The following KLHL1 variants were observed in gnomAD, a reference collection of about 807,000 sequenced individuals.
KLHL1 encodes the protein kelch like family member 1.
Under a neutral mutation model 77.7 loss-of-function variants are expected in KLHL1, and 47 were observed. The ratio of observed to expected loss-of-function variants is 0.60; its 90% CI spans 0.48 to 0.77. The LOEUF is 0.77. Among genes scored for constraint, KLHL1 ranks in the 30% least tolerant of loss-of-function variants. The pLI is 0.00. For synonymous variants in KLHL1, 360 were observed against 325.2 expected (o/e 1.11, Z -1.15); for missense variants, 925 against 910.8 (o/e 1.02, Z -0.20).
Position 69,809,715 on chromosome 13 carries a change from C to T in KLHL1, c.1415-12753G>A, listed in dbSNP as rs151263939. Among the ~76,000 whole-genome samples, 690 of 151,898 alleles carry T rather than the reference C, an allele frequency of 4.5e-3. 3 individuals are homozygous for T. Among genetic ancestry groups the T allele is most frequent in the Non-Finnish European group, 7.1e-3 (481 of 67,902 alleles). On this transcript the variant is annotated intron_variant, in intron 6 of 10. Coordinates refer to ENST00000377844, the MANE Select transcript of KLHL1 (RefSeq NM_020866.3). Reference sequence around the variant, plus strand: ...TATCAATATCAACATTGAATATAAACAGTCTAAACACTCGATTTAAAAGAC... The same window carrying T: ...TATCAATATCAACATTGAATATAAATAGTCTAAACACTCGATTTAAAAGAC...
chr13:69,864,519 TTG>T (rs1467867240), intron 5 of KLHL1, among the ~76,000 whole-genome samples: 8 of 152,076 alleles, frequency 5.3e-5, no homozygotes, highest in Non-Finnish European at 7.4e-5. Flanking sequence ...GTGAATTAAG[TTG>T]TGTTTCATGT....
At chr13:69,780,471 T>C (rs561038067) in intron 7 of KLHL1, among the ~76,000 whole-genome samples, 1 of 151,856 alleles carries the variant, frequency 6.6e-6, no homozygotes, top group Non-Finnish European at 1.5e-5. Flanking sequence ...AGAAATAGTG[T>C]CTGCACTAAA....
chr13:69,839,177 C>T lies in KLHL1; in HGVS notation c.1228-15G>A, dbSNP rs1879145077. ...TCAGCCAATATCTGTGAATAATACA[C>T]AATAGCTGTTAATAATGTTTTCAAA... On this transcript the variant is annotated splice_polypyrimidine_tract_variant and intron_variant, in intron 5 of 10. Coordinates refer to ENST00000377844, the MANE Select transcript of KLHL1 (RefSeq NM_020866.3). The T allele has an allele frequency of 6.6e-7, 1 of 1,516,112 alleles. No individual in the cohort carries two copies. The highest frequency in any genetic ancestry group is 9.0e-7 in the Non-Finnish European group (1 of 1,112,966). The allele number at this position is 1,516,112 out of a possible 1,614,324, so 93.9% of individuals were successfully genotyped here. A position where few individuals can be genotyped will look rare whatever the true frequency, so the allele number is the denominator to read the frequency against.
chr13:69,887,071 G>A (rs1363512914), intron 4 of KLHL1, among the ~76,000 whole-genome samples: 11 of 152,150 alleles, frequency 7.2e-5, no homozygotes, highest in Non-Finnish European at 1.5e-4. Context: ...GATTAGGTAA[G>A]TATGAAAAAT....
chr13:69,866,584 G>T (rs1312409247), intron 5 of KLHL1, among the ~76,000 whole-genome samples: 3 of 152,028 alleles, frequency 2.0e-5, no homozygotes, highest in Non-Finnish European at 4.4e-5. Flanking sequence ...GGGATTCCGC[G>T]AGTTAGAGTT....
At chr13:69,777,254 T>C (rs1199016425) in intron 7 of KLHL1, among the ~76,000 whole-genome samples, 1 of 152,160 alleles carries the variant, frequency 6.6e-6, no homozygotes, top group Non-Finnish European at 1.5e-5. Context: ...CTCTTTTTCT[T>C]TTTAAATTAT....
chr13:69,832,018 A>G, intron 6 of KLHL1, among the ~76,000 whole-genome samples: 1 of 150,134 alleles, frequency 6.7e-6, no homozygotes, highest in East Asian at 1.9e-4. Context: ...AGTTGAAAGC[A>G]TTCCCCCTGA....
chr13:69,809,408 AT>A (rs1414898771), intron 6 of KLHL1, among the ~76,000 whole-genome samples: 1 of 152,182 alleles, frequency 6.6e-6, no homozygotes, highest in African/African-American at 2.4e-5. Flanking sequence ...CATTTTTAGC[AT>A]TCTTAAAGCA....
At chr13:69,851,699 C>A (rs1464407908) in intron 5 of KLHL1, among the ~76,000 whole-genome samples, 2 of 151,708 alleles carry the variant, frequency 1.3e-5, no homozygotes, top group African/African-American at 4.8e-5. Context: ...GTCTAGCATG[C>A]TCCTATGTCC....
At chr13:69,909,147 G>A (rs1237421805) in intron 4 of KLHL1, among the ~76,000 whole-genome samples, 1 of 150,908 alleles carries the variant, frequency 6.6e-6, no homozygotes, top group Non-Finnish European at 1.5e-5. Context: ...GAACAAATAA[G>A]TGGATGCTCA....
At chr13:70,069,873 A>G (rs1232910262) in intron 1 of KLHL1, among the ~76,000 whole-genome samples, 1 of 151,530 alleles carries the variant, frequency 6.6e-6, no homozygotes, top group African/African-American at 2.4e-5. Flanking sequence ...AAAATGAGAG[A>G]AAGAAGCAGA....
chr13:70,020,639 C>T (rs1234492793), intron 1 of KLHL1, among the ~76,000 whole-genome samples: 1 of 151,980 alleles, frequency 6.6e-6, no homozygotes, highest in Non-Finnish European at 1.5e-5. Context: ...ATCTATGATT[C>T]CCAGGGCACA....
At chr13:70,028,142 G>A (rs1886003107) in intron 1 of KLHL1, among the ~76,000 whole-genome samples, 1 of 152,110 alleles carries the variant, frequency 6.6e-6, no homozygotes, top group Non-Finnish European at 1.5e-5. Context: ...TGGATTTGGA[G>A]AAATAAGAAA....
chr13:70,015,220 T>C (rs1885628326), intron 1 of KLHL1, among the ~76,000 whole-genome samples: 1 of 152,156 alleles, frequency 6.6e-6, no homozygotes, highest in Admixed American at 6.5e-5. Context: ...TGCAAACCTA[T>C]TGTGTATAGC....
chr13:69,861,785 TAAA>T lies in KLHL1; in HGVS notation c.1227+20495_1227+20497del, dbSNP rs34408474. Among the ~76,000 whole-genome samples the T allele has an allele frequency of 7.0e-5, 6 of 86,016 alleles. No individual in the cohort carries two copies. The East Asian group carries it at 1.0e-3, about 15-fold the overall frequency. The allele number at this position is 86,016 out of a possible 152,430, so 56.4% of individuals were successfully genotyped here. On this transcript the variant is annotated intron_variant, in intron 5 of 10. Transcript: ENST00000377844. The stretch of plus-strand genomic sequence containing the variant: ...CAACATGGAGAAACCCCGTCTCTAC[TAAA>T]AAAAAAAAAAAAAAAAAAAATACAA...
Position 69,701,761 on chromosome 13 carries a change from T to A in KLHL1, c.2188A>T (p.Met730Leu), listed in dbSNP as rs766623772. 3.1e-6 allele frequency: 5 copies of A among 1,604,520 alleles called. No homozygotes were observed. The highest frequency in any genetic ancestry group is 4.3e-6 in the Non-Finnish European group (5 of 1,174,378). ...GCTCTCCCAATATTCAAGGAAGCCATCTGTTAAAAAAGATGAAACACAACT... is the reference window on the plus strand; with the variant it reads ...GCTCTCCCAATATTCAAGGAAGCCAACTGTTAAAAAAGATGAAACACAACT... Reference protein sequence around the residue: ...YDPQTNEWTQMASLNIGRAGA... With the variant: ...YDPQTNEWTQLASLNIGRAGA... Residue 730 changes from methionine (M) to leucine (L), a missense_variant and splice_region_variant, in exon 11 of 11, where the codon ATG (methionine) becomes TTG (leucine). Physicochemically the swap from Met to Leu is conservative, Grantham distance 15. Transcript: ENST00000377844.
intron 1 of KLHL1, among the ~76,000 whole-genome samples, chr13:70,014,113 AAAT>A (rs887658121): frequency 6.6e-6 from 1 of 152,066 alleles, no homozygotes; most frequent in African/African-American, 2.4e-5. Context: ...TATACAATAA[AAAT>A]AATAAAATCT....
chr13:69,964,734 A>G (rs1884163317), intron 2 of KLHL1, among the ~76,000 whole-genome samples: 1 of 152,014 alleles, frequency 6.6e-6, no homozygotes, highest in Non-Finnish European at 1.5e-5. Flanking sequence ...ATTTTCTCAA[A>G]TGTCTTTATA....
intron 5 of KLHL1, among the ~76,000 whole-genome samples, chr13:69,877,678 T>G (rs1537283): frequency 0.057 from 8,744 of 152,138 alleles, 643 homozygotes; most frequent in African/African-American, 0.17. Flanking sequence ...TTTTCTCTGG[T>G]CTATAGCAAA....
Sources: allele counts gnomAD v4.1 joint callset (sites outside exome capture counted in the v4.1 genomes callset), GRCh38; gene constraint gnomAD v4.1.1; transcripts MANE v1.5; gene names NCBI Gene and HGNC (gene_info 2026-07-23, HGNC 2026-07-21).